OR52E4: variants seen among roughly 807,000 people sequenced by gnomAD.
OR52E4 encodes the protein olfactory receptor 52E4.
For synonymous variants in OR52E4, 169 were observed against 137.4 expected (o/e 1.23, Z -1.61); for missense variants, 444 against 383.8 (o/e 1.16, Z -1.31).
Position 5,885,510 on chromosome 11 carries a change from G to A in OR52E4, c.*279G>A. ...GGAGTAGAACTGCTTGTAAACAAGG[G>A]TGATAGGTAGCTCCATTTTTTTCCA... On this transcript the variant is annotated 3_prime_UTR_variant, in exon 2 of 2. Coordinates refer to ENST00000641726, the MANE Select transcript of OR52E4 (RefSeq NM_001005165.2). 1 of 293,866 alleles carries A rather than the reference G, an allele frequency of 3.4e-6. No homozygotes were observed. Among genetic ancestry groups the A allele is most frequent in the Non-Finnish European group, 6.3e-6 (1 of 158,638 alleles). The allele number at this position is 293,866 out of a possible 1,614,324, so 18.2% of individuals were successfully genotyped here.
chr11:5,882,715 T>A (rs997074374), intron 1 of OR52E4, among the ~76,000 whole-genome samples: 7 of 86,878 alleles, frequency 8.1e-5, no homozygotes, highest in East Asian at 7.0e-4. Context: ...TCTCTCTCTC[T>A]CTCTCTCACT....
chr11:5,881,238 T>C (rs1442498736), intron 1 of OR52E4, among the ~76,000 whole-genome samples: 1 of 152,178 alleles, frequency 6.6e-6, no homozygotes, highest in African/African-American at 2.4e-5. Context: ...ATGTTGCCAG[T>C]TGTAACTTGG....
At chr11:5,883,101 T>C (rs959353117) in intron 1 of OR52E4, among the ~76,000 whole-genome samples, 2 of 152,038 alleles carry the variant, frequency 1.3e-5, no homozygotes, top group African/African-American at 4.8e-5. Context: ...CACCTGAAGG[T>C]AGGCACAATT....
In OR52E4 at chr11:5,884,287, G is replaced by A. The variant is rs770606948; in HGVS notation, c.-6G>A. 3.8e-6 allele frequency: 6 copies of A among 1,592,974 alleles called. No homozygotes were observed. In the South Asian group the frequency reaches 6.8e-5, roughly 18 times the overall value. On this transcript the variant is annotated 5_prime_UTR_variant, in exon 2 of 2. Coordinates refer to ENST00000641726, the MANE Select transcript of OR52E4 (RefSeq NM_001005165.2). ...ACTTAGGAATTCAGTGACACTTGCT[G>A]GGAGAATGCCTTCTATCAATGACAC... is the stretch of plus-strand genomic sequence containing the variant.
Position 5,884,384 on chromosome 11 carries a change from T to C in OR52E4, c.92T>C (p.Phe31Ser). The change falls in exon 2 of 2, where the codon TTC becomes TCC. Residue 31 changes from phenylalanine to serine, a missense_variant. Coordinates refer to ENST00000641726, the MANE Select transcript of OR52E4 (RefSeq NM_001005165.2). ...GLDTLHIWIS[F>S]PFCIVYLIAI... ...GACACTTTACATATCTGGATTTCTT[T>C]CCCATTCTGTATTGTGTACCTGATT... is the stretch of plus-strand genomic sequence containing the variant. The C allele has an allele frequency of 6.2e-7, 1 of 1,613,378 alleles. No individual in the cohort carries two copies. The highest frequency in any genetic ancestry group is 8.5e-7 in the Non-Finnish European group (1 of 1,179,484).
rs1387347865 is a variant in OR52E4 at position 5,885,703 on chromosome 11, C to T, written c.*472C>T. ...TGTTCTTCTCCAAAATCTTTGACTC[C>T]CATGTTTATTTTAATGCTCTCTCAG... On this transcript the variant is annotated 3_prime_UTR_variant, in exon 2 of 2. Coordinates refer to ENST00000641726, the MANE Select transcript of OR52E4 (RefSeq NM_001005165.2). 6.5e-6 allele frequency: 1 copy of T among 152,806 alleles called. No individual in the cohort carries two copies. The highest frequency in any genetic ancestry group is 2.1e-4 in the South Asian group (1 of 4,858). The allele number at this position is 152,806 out of a possible 1,614,324, so 9.5% of individuals were successfully genotyped here.
chr11:5,884,958 C>T lies in OR52E4; in HGVS notation c.666C>T (p.Ile222=). 6.2e-7 allele frequency: 1 copy of T among 1,612,796 alleles called. No individual in the cohort carries two copies. The highest frequency in any genetic ancestry group is 8.5e-7 in the Non-Finnish European group (1 of 1,179,044). Residue 222 remains isoleucine (I), a synonymous_variant, in exon 2 of 2, where the codon ATC becomes ATT. Coordinates refer to ENST00000641726, the MANE Select transcript of OR52E4 (RefSeq NM_001005165.2). ...TAATTGCCTCTTCCTATGTGCTTAT[C>T]CTTAGAGCTGTTTTTCGCCTTCCCT... ...VILIASSYVL[I]LRAVFRLPSQ... is the part of the protein sequence containing the mutation.
chr11:5,883,588 AACT>A (rs1210881901), intron 1 of OR52E4, among the ~76,000 whole-genome samples: 1 of 151,650 alleles, frequency 6.6e-6, no homozygotes, highest in Non-Finnish European at 1.5e-5. Context: ...AATATTAACA[AACT>A]ATTATATAAA....
chr11:5,885,187 C>T lies in OR52E4; in HGVS notation c.895C>T (p.Gln299Ter). Residue 299 changes from glutamine (Q) to a stop codon, truncating the protein, a stop_gained, in exon 2 of 2, where the codon CAG becomes TAG. Transcript: ENST00000641726. LOFTEE classifies it high-confidence loss of function. ...TGTCATTTATGGAGTCAGGACCAAGCAGATCCGAGAGCAAATTGTGAAAAT... is the reference window on the plus strand; with the variant it reads ...TGTCATTTATGGAGTCAGGACCAAGTAGATCCGAGAGCAAATTGTGAAAAT... ...NPVIYGVRTKQIREQIVKIFV... is the reference protein window; with the variant it reads ...NPVIYGVRTK The T allele has an allele frequency of 6.9e-6, 11 of 1,602,642 alleles. No individual in the cohort carries two copies. The highest frequency in any genetic ancestry group is 2.3e-5 in the South Asian group (2 of 88,638).
chr11:5,885,380 A>G lies in OR52E4; in HGVS notation c.*149A>G. 1 of 593,866 alleles carries G rather than the reference A, an allele frequency of 1.7e-6. No homozygotes were observed. The highest frequency in any genetic ancestry group is 3.3e-5 in the Admixed American group (1 of 30,650). The allele number at this position is 593,866 out of a possible 1,614,324, so 36.8% of individuals were successfully genotyped here. A position where few individuals can be genotyped will look rare whatever the true frequency, so the allele number is the denominator to read the frequency against. On this transcript the variant is annotated 3_prime_UTR_variant, in exon 2 of 2. Coordinates refer to ENST00000641726, the MANE Select transcript of OR52E4 (RefSeq NM_001005165.2). Reference sequence around the variant, plus strand: ...TGCTTTAGTGTTGACAGATAATGCAAACTTAAAACCTTTGCTGCCTGTTTC... The same window carrying G: ...TGCTTTAGTGTTGACAGATAATGCAGACTTAAAACCTTTGCTGCCTGTTTC...
chr11:5,884,847 T>A lies in OR52E4; in HGVS notation c.555T>A (p.Gly185=). ...IVPHTYCEHR[G]LAGLACAPIK... is the part of the protein sequence containing the mutation. ...CTCACACATACTGTGAGCACAGGGG[T>A]CTGGCCGGGTTGGCCTGTGCACCCA... Residue 185 remains glycine (G), a synonymous_variant, in exon 2 of 2, where the codon GGT becomes GGA. Transcript: ENST00000641726. The A allele has an allele frequency of 6.2e-7, 1 of 1,613,456 alleles. No individual in the cohort carries two copies.
At position 5,884,787 on chromosome 11, in the gene OR52E4, T is replaced by G; in HGVS notation, c.495T>G (p.Ile165Met). The change falls in exon 2 of 2, where the codon ATT (isoleucine) becomes ATG (methionine). Residue 165 changes from isoleucine to methionine, a missense_variant. Coordinates refer to ENST00000641726, the MANE Select transcript of OR52E4 (RefSeq NM_001005165.2). ...LVLVTPFVFLILRLPFCGHNI... is the reference protein window; with the variant it reads ...LVLVTPFVFLMLRLPFCGHNI... Reference sequence around the variant, plus strand: ...TTGTAACCCCATTTGTGTTTCTCATTCTGCGTCTGCCATTCTGTGGGCATA... The same window carrying G: ...TTGTAACCCCATTTGTGTTTCTCATGCTGCGTCTGCCATTCTGTGGGCATA... The G allele has an allele frequency of 6.2e-7, 1 of 1,613,600 alleles. No homozygotes were observed. The highest frequency in any genetic ancestry group is 8.5e-7 in the Non-Finnish European group (1 of 1,179,708).
intron 1 of OR52E4, among the ~76,000 whole-genome samples, chr11:5,882,186 T>A (rs1290809806): frequency 6.6e-6 from 1 of 152,090 alleles, no homozygotes; most frequent in African/African-American, 2.4e-5. Flanking sequence ...TACTGTGGCA[T>A]ATAGTTATAA....
At position 5,884,338 on chromosome 11, in the gene OR52E4, C is replaced by G; in HGVS notation, c.46C>G (p.Leu16Val). The change falls in exon 2 of 2, where the codon CTG becomes GTG. Residue 16 changes from leucine to valine, a missense_variant. Physicochemically the swap from Leu to Val is conservative, Grantham distance 32. Coordinates refer to ENST00000641726, the MANE Select transcript of OR52E4 (RefSeq NM_001005165.2). ...CCACTTCTATCCCCCCTTCTTCCTC[C>G]TGCTAGGAATACCAGGACTGGACAC... is the stretch of plus-strand genomic sequence containing the variant. ...DTHFYPPFFL[L>V]LGIPGLDTLH... is the part of the protein sequence containing the mutation. 1 of 1,612,730 alleles carries G rather than the reference C, an allele frequency of 6.2e-7. No homozygotes were observed. Among genetic ancestry groups the G allele is most frequent in the South Asian group, 1.1e-5 (1 of 90,944 alleles).
rs144620167 is a variant in OR52E4 at position 5,884,974 on chromosome 11, C to A, written c.682C>A (p.Arg228Ser). The stretch of plus-strand genomic sequence containing the variant: ...TGTGCTTATCCTTAGAGCTGTTTTT[C>A]GCCTTCCCTCTCAAGATGTCCGACT... Reference protein sequence around the residue: ...SYVLILRAVFRLPSQDVRLKA... With the variant: ...SYVLILRAVFSLPSQDVRLKA... The change falls in exon 2 of 2, where the codon CGC becomes AGC. Residue 228 changes from arginine to serine, a missense_variant. Arg to Ser is a moderately radical substitution (Grantham distance 110). Coordinates refer to ENST00000641726, the MANE Select transcript of OR52E4 (RefSeq NM_001005165.2). 6.2e-6 allele frequency: 10 copies of A among 1,612,540 alleles called. No individual in the cohort carries two copies. Among genetic ancestry groups the A allele is most frequent in the Non-Finnish European group, 8.5e-6 (10 of 1,178,962 alleles).
chr11:5,885,072 T>G lies in OR52E4; in HGVS notation c.780T>G (p.Phe260Leu). 1 of 1,613,566 alleles carries G rather than the reference T, an allele frequency of 6.2e-7. No individual in the cohort carries two copies. Among genetic ancestry groups the G allele is most frequent in the Non-Finnish European group, 8.5e-7 (1 of 1,179,716 alleles). The change falls in exon 2 of 2, where the codon TTT becomes TTG. Residue 260 changes from phenylalanine (F) to leucine (L), a missense_variant. By Grantham distance (22) the Phe-to-Leu change is conservative. Coordinates refer to ENST00000641726, the MANE Select transcript of OR52E4 (RefSeq NM_001005165.2). Reference protein sequence around the residue: ...LCFYTPAFFSFMTHRFGQNIP... With the variant: ...LCFYTPAFFSLMTHRFGQNIP... ...TTTACACACCAGCATTTTTTTCTTT[T>G]ATGACACATCGTTTTGGCCAAAACA... is the stretch of plus-strand genomic sequence containing the variant.
intron 1 of OR52E4, among the ~76,000 whole-genome samples, chr11:5,883,551 C>A (rs902524628): frequency 1.3e-5 from 2 of 151,350 alleles, no homozygotes; most frequent in African/African-American, 4.8e-5. Context: ...GACATTAGAG[C>A]AAAATTTAAA....
Position 5,884,829 on chromosome 11 carries a change from A to G in OR52E4, c.537A>G (p.Thr179=). ...GTGGGCATAACATCGTACCTCACAC[A>G]TACTGTGAGCACAGGGGTCTGGCCG... ...PFCGHNIVPH[T]YCEHRGLAGL... The change falls in exon 2 of 2, where the codon ACA becomes ACG. Residue 179 remains threonine (T), a synonymous_variant. Coordinates refer to ENST00000641726, the MANE Select transcript of OR52E4 (RefSeq NM_001005165.2). 6.2e-7 allele frequency: 1 copy of G among 1,613,466 alleles called. No individual in the cohort carries two copies. The highest frequency in any genetic ancestry group is 8.5e-7 in the Non-Finnish European group (1 of 1,179,626).
chr11:5,885,192 C>A lies in OR52E4; in HGVS notation c.900C>A (p.Ile300=), dbSNP rs1847024656. Residue 300 remains isoleucine (I), a synonymous_variant, in exon 2 of 2, where the codon ATC becomes ATA. Coordinates refer to ENST00000641726, the MANE Select transcript of OR52E4 (RefSeq NM_001005165.2). ...PVIYGVRTKQ[I]REQIVKIFVQ... ...TTTATGGAGTCAGGACCAAGCAGATCCGAGAGCAAATTGTGAAAATATTTG... is the reference window on the plus strand; with the variant it reads ...TTTATGGAGTCAGGACCAAGCAGATACGAGAGCAAATTGTGAAAATATTTG... 2 of 1,599,602 alleles carry A rather than the reference C, an allele frequency of 1.3e-6. No individual in the cohort carries two copies. The highest frequency in any genetic ancestry group is 1.7e-6 in the Non-Finnish European group (2 of 1,174,058).
Sources: allele counts gnomAD v4.1 joint callset (sites outside exome capture counted in the v4.1 genomes callset), GRCh38; gene constraint gnomAD v4.1.1; transcripts MANE v1.5; gene names NCBI Gene and HGNC (gene_info 2026-07-23, HGNC 2026-07-21).